The following ANPEP variants were observed in gnomAD, a reference collection of about 807,000 sequenced individuals.
The protein encoded by ANPEP is aminopeptidase N.
Under a neutral mutation model 114.6 loss-of-function variants are expected in ANPEP, and 70 were observed. That is an observed-to-expected ratio of 0.61 (90% CI 0.50 to 0.75). The LOEUF is 0.75. Ranked by LOEUF, ANPEP falls within the 30% of genes least tolerant of loss-of-function variation. ANPEP has a pLI of 0.00. For synonymous variants in ANPEP, 548 were observed against 522.3 expected (o/e 1.05, Z -0.67); for missense variants, 1,184 against 1,259.5 (o/e 0.94, Z 0.91).
intron 1 of ANPEP, among the ~76,000 whole-genome samples, chr15:89,808,197 G>GCCTTGGCACAACCTGTTCCCTCTGCCT (rs1165711513): frequency 9.2e-5 from 14 of 152,134 alleles, no homozygotes; most frequent in Non-Finnish European, 2.1e-4. Flanking sequence ...AAGCCCCAGG[G>GCCTTGGCACAACCTGTTCCCTCTGCCT]CCTTGGCACA....
chr15:89,790,860 T>C (rs1968607262), intron 19 of ANPEP, 93 bp downstream of exon 19: 1 of 1,495,394 alleles, frequency 6.7e-7, no homozygotes, highest in African/African-American at 1.4e-5. Flanking sequence ...CCACTTCTGG[T>C]TAGTGCCCCC....
intron 1 of ANPEP, among the ~76,000 whole-genome samples, chr15:89,809,641 C>A (rs981209988): frequency 2.0e-5 from 3 of 152,218 alleles, no homozygotes; most frequent in African/African-American, 7.2e-5. Flanking sequence ...GCCTGGCCAC[C>A]TCCACACCCC....
At chr15:89,810,204 C>T (rs1471193016) in intron 1 of ANPEP, among the ~76,000 whole-genome samples, 1 of 152,054 alleles carries the variant, frequency 6.6e-6, no homozygotes, top group Non-Finnish European at 1.5e-5. Context: ...ATGGTGAAAC[C>T]TCGTCTCTAA....
At chr15:89,797,822 G>C in intron 14 of ANPEP, 100 bp from the exon 15 acceptor site, 1 of 1,506,368 alleles carries the variant, frequency 6.6e-7, no homozygotes, top group South Asian at 1.2e-5. Context: ...CACACCCCTA[G>C]GCCCCCTGTA....
At chr15:89,785,619 C>G (rs1968494392) in intron 20 of ANPEP, 118 bp from the exon 21 acceptor site, 2 of 1,416,522 alleles carry the variant, frequency 1.4e-6, no homozygotes, top group South Asian at 2.6e-5. Context: ...TGGGACCACA[C>G]CCTGTTCCAG....
chr15:89,804,212 C>A (rs768671158), intron 6 of ANPEP, 41 bp downstream of exon 6: 3 of 1,610,274 alleles, frequency 1.9e-6, no homozygotes, highest in South Asian at 2.2e-5. Context: ...CCTCTCGGAG[C>A]CCCTGTTTCC....
intron 1 of ANPEP, among the ~76,000 whole-genome samples, chr15:89,811,405 G>C (rs187099434): frequency 4.6e-5 from 7 of 152,118 alleles, no homozygotes; most frequent in Admixed American, 4.6e-4. Context: ...CCTGCACTTC[G>C]GGAGGCTGAG....
intron 20 of ANPEP, among the ~76,000 whole-genome samples, chr15:89,787,272 C>G (rs947939163): frequency 2.6e-5 from 4 of 152,086 alleles, no homozygotes; most frequent in African/African-American, 9.7e-5. Flanking sequence ...GTCTTGAACT[C>G]CTGACCTCAT....
intron 15 of ANPEP, among the ~76,000 whole-genome samples, chr15:89,796,859 C>T (rs1367350085): frequency 1.3e-5 from 2 of 152,170 alleles, no homozygotes; most frequent in African/African-American, 4.8e-5. Flanking sequence ...GACTACATAT[C>T]ACACCCTGAA....
rs1161451723 is a variant in ANPEP at position 89,799,975 on chromosome 15, G to T, written c.1820-416C>A. 1.3e-5 allele frequency among the ~76,000 whole-genome samples: 2 copies of T among 152,026 alleles called. No homozygotes were observed. Among genetic ancestry groups the T allele is most frequent in the Non-Finnish European group, 2.9e-5 (2 of 67,986 alleles). On this transcript the variant is annotated intron_variant, in intron 12 of 20. Transcript: ENST00000300060. The surrounding 1 kb of genome is among the most constrained non-coding windows in gnomAD (Gnocchi z 4.2). ...CCCCAGTGCTGCTGTCTCTTTCTGG[G>T]GCTTAGTGCCCCTTCCTCCCTGTGG... is the stretch of plus-strand genomic sequence containing the variant.
In ANPEP at chr15:89,806,664, AGGG is replaced by A. The variant is rs570780370; in HGVS notation, c.-84_-82del. 1.8e-4 allele frequency: 267 copies of A among 1,458,448 alleles called. No individual in the cohort carries two copies. Among genetic ancestry groups the A allele is most frequent in the Non-Finnish European group, 2.3e-4 (250 of 1,105,898 alleles). The allele number at this position is 1,458,448 out of a possible 1,614,324, so 90.3% of individuals were successfully genotyped here. ...CCCCAGGCCGGGCTTATATCCCCAA[AGGG>A]GAGGAGCCCCACAACAGGCAGACTG... On this transcript the variant is annotated 5_prime_UTR_variant, in exon 2 of 21. Coordinates refer to ENST00000300060, the MANE Select transcript of ANPEP (RefSeq NM_001150.3). This position sits in a 1 kb window ranked among gnomAD's most constrained non-coding sequence, Gnocchi z 5.7.
At chr15:89,805,947 C>A in intron 2 of ANPEP, 23 bp downstream of exon 2, 2 of 1,565,830 alleles carry the variant, frequency 1.3e-6, no homozygotes, top group South Asian at 2.4e-5. Context: ...TCCACCCCAC[C>A]GGGCAGCCCA....
rs199983054 is a variant in ANPEP, at chr15:89,785,449, C to T, written c.2804G>A (p.Arg935Gln). Residue 935 changes from arginine to glutamine, a missense_variant, in exon 21 of 21, where the codon CGG (arginine) becomes CAG (glutamine). Coordinates refer to ENST00000300060, the MANE Select transcript of ANPEP (RefSeq NM_001150.3). ...NEETGFGSGT[R>Q]ALEQALEKTK... ...CTTCTCCAGGGCTTGCTCCAGGGCC[C>T]GGGTGCCTGAGCCGAAGCCTGTTTC... 1.2e-5 allele frequency: 20 copies of T among 1,614,008 alleles called. No homozygotes were observed. The highest frequency in any genetic ancestry group is 6.7e-5 in the East Asian group (3 of 44,902).
intron 2 of ANPEP, 142 bp downstream of exon 2, chr15:89,805,828 C>T (rs1160607452): frequency 9.9e-6 from 12 of 1,206,150 alleles, no homozygotes; most frequent in African/African-American, 1.5e-5. Context: ...GCTTTGCCAG[C>T]AGCTGGAGGT....
Position 89,806,750 on chromosome 15 carries a change from C to A in ANPEP, c.-167G>T, listed in dbSNP as rs1269990392. 1.8e-6 allele frequency: 2 copies of A among 1,122,842 alleles called. No homozygotes were observed. Among genetic ancestry groups the A allele is most frequent in the South Asian group, 3.4e-5 (2 of 58,156 alleles). The allele number at this position is 1,122,842 out of a possible 1,614,324, so 69.6% of individuals were successfully genotyped here. ...GGTCACTGGACTGGGCAGGGGCACGCTCCGCCTGGGGAGAGGAGATCCAGG... is the reference window on the plus strand; with the variant it reads ...GGTCACTGGACTGGGCAGGGGCACGATCCGCCTGGGGAGAGGAGATCCAGG... On this transcript the variant is annotated 5_prime_UTR_variant, in exon 2 of 21. Transcript: ENST00000300060. The surrounding 1 kb of genome is among the most constrained non-coding windows in gnomAD (Gnocchi z 5.7).
chr15:89,806,173 C>A lies in ANPEP; in HGVS notation c.411G>T (p.Val137=). 3 of 1,614,130 alleles carry A rather than the reference C, an allele frequency of 1.9e-6. No homozygotes were observed. The highest frequency in any genetic ancestry group is 2.5e-6 in the Non-Finnish European group (3 of 1,180,022). ...LNYTLSQGHR[V]VLRGVGGSQP... ...GGGAGCCTCCCACACCACGCAGGACCACCCTGTGCCCCTGGCTGAGGGTGT... is the reference window on the plus strand; with the variant it reads ...GGGAGCCTCCCACACCACGCAGGACAACCCTGTGCCCCTGGCTGAGGGTGT... Residue 137 remains valine, a synonymous_variant, in exon 2 of 21, where the codon GTG becomes GTT. Transcript: ENST00000300060. The surrounding 1 kb of genome is among the most constrained non-coding windows in gnomAD (Gnocchi z 5.7).
chr15:89,801,333 G>C (rs1894585038), intron 11 of ANPEP, 102 bp downstream of exon 11: 1 of 1,546,736 alleles, frequency 6.5e-7, no homozygotes, highest in African/African-American at 1.4e-5. Flanking sequence ...TGTCTACAGT[G>C]GCTGGGGCTG....
Position 89,806,509 on chromosome 15 carries a change from T to G in ANPEP, c.75A>C (p.Thr25=), listed in dbSNP as rs1894718891. The change falls in exon 2 of 21, where the codon ACA becomes ACC. Residue 25 remains threonine, a synonymous_variant. Coordinates refer to ENST00000300060, the MANE Select transcript of ANPEP (RefSeq NM_001150.3). The surrounding 1 kb of genome is among the most constrained non-coding windows in gnomAD (Gnocchi z 5.7). ...GILLGVAAVC[T]IIALSVVYSQ... ...AGTACACCACTGACAGTGCGATGATTGTGCACACGGCTGCCACGCCCAGGA... is the reference window on the plus strand; with the variant it reads ...AGTACACCACTGACAGTGCGATGATGGTGCACACGGCTGCCACGCCCAGGA... 2 of 1,613,882 alleles carry G rather than the reference T, an allele frequency of 1.2e-6. No individual in the cohort carries two copies. Among genetic ancestry groups the G allele is most frequent in the Non-Finnish European group, 1.7e-6 (2 of 1,179,854 alleles).
chr15:89,803,235 T>C lies in ANPEP; in HGVS notation c.1569+4A>G. The C allele has an allele frequency of 6.2e-7, 1 of 1,613,844 alleles. No individual in the cohort carries two copies. Among genetic ancestry groups the C allele is most frequent in the South Asian group, 1.1e-5 (1 of 91,082 alleles). ...TGGCTGTGGAGGGGCTGGCTGCTAC[T>C]GACCTCCTGCAGGTGGTCCCACAGG... On this transcript the variant is annotated splice_donor_region_variant and intron_variant, in intron 10 of 20. Transcript: ENST00000300060. This position sits in a 1 kb window ranked among gnomAD's most constrained non-coding sequence, Gnocchi z 4.2.
Sources: allele counts gnomAD v4.1 joint callset (sites outside exome capture counted in the v4.1 genomes callset), GRCh38; gene constraint gnomAD v4.1.1; non-coding constraint Gnocchi (gnomAD v3.1); transcripts MANE v1.5; gene names NCBI Gene and HGNC (gene_info 2026-07-23, HGNC 2026-07-21).